Variants in PLGRKT observed in about 807,000 individuals in gnomAD.
The protein encoded by PLGRKT is plasminogen receptor with a C-terminal lysine.
In PLGRKT, 22 loss-of-function variants were observed where a neutral mutation model predicts 18.5. The observed-to-expected ratio is 1.19, with a 90% CI of 0.85 to 1.70. PLGRKT has a LOEUF of 1.70. Among genes scored for constraint, PLGRKT ranks in the 40% most tolerant of loss-of-function variants. The probability of loss-of-function intolerance (pLI) is 0.00; values close to 1 mark genes in which losing one functional copy is unlikely to be tolerated. For synonymous variants in PLGRKT, 72 were observed against 52.8 expected (o/e 1.36, Z -1.58); for missense variants, 235 against 174.4 (o/e 1.35, Z -1.96).
chr9:5,410,345 A>G (rs1818337889), intron 3 of PLGRKT, among the ~76,000 whole-genome samples: 1 of 152,152 alleles, frequency 6.6e-6, no homozygotes, highest in East Asian at 1.9e-4. Context: ...AGACCAGCCT[A>G]GGCAACATGG....
chr9:5,412,943 C>CA (rs141841837), intron 3 of PLGRKT, among the ~76,000 whole-genome samples: 5,903 of 151,368 alleles, frequency 0.039, 389 homozygotes, highest in African/African-American at 0.14. Flanking sequence ...AGAAAATTCA[C>CA]AAAAAAAACA....
At chr9:5,386,159 T>C (rs1012566903) in intron 3 of PLGRKT, among the ~76,000 whole-genome samples, 1 of 152,018 alleles carries the variant, frequency 6.6e-6, no homozygotes, top group East Asian at 1.9e-4. Flanking sequence ...CCAGGAGTCA[T>C]GTGTCTTCCA....
At chr9:5,391,159 A>G (rs1490677172) in intron 3 of PLGRKT, among the ~76,000 whole-genome samples, 2 of 152,012 alleles carry the variant, frequency 1.3e-5, no homozygotes, top group Non-Finnish European at 2.9e-5. Context: ...TGCATAAAGC[A>G]TCATTAACTT....
At chr9:5,362,053 C>T (rs1817279484) in intron 3 of PLGRKT, among the ~76,000 whole-genome samples, 165 bp from the exon 4 acceptor site, 1 of 152,210 alleles carries the variant, frequency 6.6e-6, no homozygotes, top group African/African-American at 2.4e-5. Context: ...ACAGCTCTCA[C>T]CAACTGTCAC....
chr9:5,394,003 G>A (rs1377670358), intron 3 of PLGRKT, among the ~76,000 whole-genome samples: 1 of 151,740 alleles, frequency 6.6e-6, no homozygotes, highest in African/African-American at 2.4e-5. Context: ...TTCAGTTGGT[G>A]AATCTCTAGA....
At chr9:5,367,232 A>G (rs375535775) in intron 3 of PLGRKT, among the ~76,000 whole-genome samples, 3 of 151,862 alleles carry the variant, frequency 2.0e-5, no homozygotes, top group East Asian at 1.9e-4. Flanking sequence ...TCACAGAACT[A>G]GAAAAAAAAC....
chr9:5,402,745 T>C (rs1470926326), intron 3 of PLGRKT, among the ~76,000 whole-genome samples: 1 of 152,046 alleles, frequency 6.6e-6, no homozygotes, highest in African/African-American at 2.4e-5. Flanking sequence ...CATGACAGAC[T>C]ATTTTTAGAG....
chr9:5,408,290 G>C (rs1818293892), intron 3 of PLGRKT, among the ~76,000 whole-genome samples: 1 of 152,218 alleles, frequency 6.6e-6, no homozygotes, highest in African/African-American at 2.4e-5. Context: ...GATATGGACA[G>C]AGATGGCCAG....
chr9:5,369,889 G>A (rs1398518368), intron 3 of PLGRKT, among the ~76,000 whole-genome samples: 1 of 152,076 alleles, frequency 6.6e-6, no homozygotes, highest in Non-Finnish European at 1.5e-5. Context: ...GTTGAACAAT[G>A]AGAACAAATG....
At chr9:5,419,701 G>GA (rs540033050) in intron 3 of PLGRKT, among the ~76,000 whole-genome samples, 1 of 150,186 alleles carries the variant, frequency 6.7e-6, no homozygotes, top group East Asian at 1.9e-4. Context: ...AATTTGGGGG[G>GA]AAAAAAAAAG....
At chr9:5,399,438 G>C (rs147023843) in intron 3 of PLGRKT, among the ~76,000 whole-genome samples, 3,168 of 151,780 alleles carry the variant, frequency 0.021, 49 homozygotes, top group Admixed American at 0.033. Context: ...ATGCTCAATA[G>C]GCAGATTTTT....
chr9:5,428,757 G>T (rs1818750807), intron 3 of PLGRKT, among the ~76,000 whole-genome samples: 2 of 152,198 alleles, frequency 1.3e-5, no homozygotes, highest in Admixed American at 1.3e-4. Flanking sequence ...GAGTACAGTG[G>T]TATGATCACA....
intron 3 of PLGRKT, among the ~76,000 whole-genome samples, chr9:5,371,098 T>G (rs1817505816): frequency 6.6e-6 from 1 of 152,218 alleles, no homozygotes; most frequent in South Asian, 2.1e-4. Context: ...TACGCGTACA[T>G]GTAACATCTT....
intron 3 of PLGRKT, among the ~76,000 whole-genome samples, chr9:5,404,295 T>C (rs551138493): frequency 3.9e-5 from 6 of 152,274 alleles, no homozygotes; most frequent in Non-Finnish European, 8.8e-5. Context: ...ATCATCCCGA[T>C]ACCAAAACCT....
intron 3 of PLGRKT, among the ~76,000 whole-genome samples, chr9:5,375,752 G>A (rs1342104648): frequency 3.3e-5 from 5 of 152,196 alleles, no homozygotes; most frequent in African/African-American, 9.6e-5. Context: ...TTGCTGGCAG[G>A]AATGTAAAAT....
At chr9:5,388,910 G>C (rs972401769) in intron 3 of PLGRKT, among the ~76,000 whole-genome samples, 3 of 152,028 alleles carry the variant, frequency 2.0e-5, no homozygotes, top group Admixed American at 6.5e-5. Flanking sequence ...TAAGTATTAG[G>C]TATTTATGAT....
intron 3 of PLGRKT, among the ~76,000 whole-genome samples, chr9:5,365,529 T>TA (rs1258100027): frequency 6.6e-6 from 1 of 152,094 alleles, no homozygotes; most frequent in Non-Finnish European, 1.5e-5. Flanking sequence ...AGTTACTTGC[T>TA]CCCAATGAAA....
chr9:5,404,361 G>A (rs892138564), intron 3 of PLGRKT, among the ~76,000 whole-genome samples: 41 of 152,066 alleles, frequency 2.7e-4, no homozygotes, highest in African/African-American at 9.4e-4. Context: ...GATGAACATC[G>A]ATACAAAAAT....
At chr9:5,361,680 C>T in intron 4 of PLGRKT, 78 bp downstream of exon 4, 2 of 1,397,938 alleles carry the variant, frequency 1.4e-6, no homozygotes, top group Non-Finnish European at 2.0e-6. Flanking sequence ...CTTATTCTGG[C>T]CAACTTCATA....
Sources: allele counts gnomAD v4.1 joint callset (sites outside exome capture counted in the v4.1 genomes callset), GRCh38; gene constraint gnomAD v4.1.1; transcripts MANE v1.5; gene names NCBI Gene and HGNC (gene_info 2026-07-23, HGNC 2026-07-21).